DENND1B: variants seen among roughly 807,000 people sequenced by gnomAD.
The protein encoded by DENND1B is DENN domain containing 1B.
In DENND1B, 59 loss-of-function variants were observed where a neutral mutation model predicts 90.1. The observed-to-expected ratio is 0.65, with a 90% CI of 0.53 to 0.81. The LOEUF is 0.81. Ranked by LOEUF, DENND1B falls within the 40% of genes least tolerant of loss-of-function variation. The pLI, the probability that DENND1B is intolerant of heterozygous loss-of-function variation, is 0.00. For missense variants in DENND1B, 862 were observed against 912.6 expected (o/e 0.94, Z 0.71); for synonymous variants, 337 against 324.6 (o/e 1.04, Z -0.41).
rs763028413 is a variant in DENND1B, at chr1:197,511,886, CAG to C, written c.1655_1656del (p.Ser552CysfsTer2). The C allele has an allele frequency of 8.1e-6, 13 of 1,611,102 alleles. No homozygotes were observed. The highest frequency in any genetic ancestry group is 1.3e-5 in the African/African-American group (1 of 74,804). ...ASAYLYESDD[S>X]VETRVKTPYS... ...TAAGGAGTCTTCACTCTTGTTTCAACAGAGTCATCACTCTCATAGAGATAAGC... is the reference window on the plus strand; with the variant it reads ...TAAGGAGTCTTCACTCTTGTTTCAACAGTCATCACTCTCATAGAGATAAGC... On this transcript the variant is annotated frameshift_variant, in exon 22 of 23. Coordinates refer to ENST00000620048, the MANE Select transcript of DENND1B (RefSeq NM_001195215.2). LOFTEE classifies it high-confidence loss of function.
chr1:197,664,666 A>G (rs1157853218), intron 5 of DENND1B, among the ~76,000 whole-genome samples: 3 of 152,168 alleles, frequency 2.0e-5, no homozygotes, highest in Non-Finnish European at 4.4e-5. Context: ...AGCAATCAGC[A>G]GGAACCTAAC....
At chr1:197,721,696 T>A (rs183337402) in intron 2 of DENND1B, among the ~76,000 whole-genome samples, 7 of 152,162 alleles carry the variant, frequency 4.6e-5, no homozygotes, top group Admixed American at 3.9e-4. Context: ...CTTTATTACA[T>A]ATAGACTTGA....
intron 10 of DENND1B, among the ~76,000 whole-genome samples, chr1:197,634,983 C>T (rs1044574821): frequency 6.6e-6 from 1 of 151,390 alleles, no homozygotes; most frequent in African/African-American, 2.4e-5. Flanking sequence ...GACAAGAGTG[C>T]AACTCTGCGT....
intron 3 of DENND1B, among the ~76,000 whole-genome samples, chr1:197,696,410 C>T (rs1390903549): frequency 6.6e-6 from 1 of 151,386 alleles, no homozygotes; most frequent in Non-Finnish European, 1.5e-5. Context: ...CATTATTTAT[C>T]ATGGAAGCAC....
chr1:197,578,190 T>C lies in DENND1B; in HGVS notation c.1149+4962A>G, dbSNP rs190089456. The stretch of plus-strand genomic sequence containing the variant: ...GTACAGTGACCACAGTTAATACTAA[T>C]GTATTGTACATTTCAAAATTGCTAA... On this transcript the variant is annotated intron_variant, in intron 15 of 22. Transcript: ENST00000620048. Among the ~76,000 whole-genome samples, 231 of 152,274 alleles carry C rather than the reference T, an allele frequency of 1.5e-3. 1 individual carries two copies. The highest frequency in any genetic ancestry group is 6.8e-3 in the Middle Eastern group (2 of 294).
intron 10 of DENND1B, among the ~76,000 whole-genome samples, chr1:197,638,108 C>A (rs144736078): frequency 6.6e-6 from 1 of 152,164 alleles, no homozygotes; most frequent in African/African-American, 2.4e-5. Flanking sequence ...CGAAAGATTT[C>A]TTTTTACATA....
intron 3 of DENND1B, among the ~76,000 whole-genome samples, chr1:197,706,514 T>C (rs1659550451): frequency 1.3e-5 from 2 of 152,184 alleles, no homozygotes; most frequent in African/African-American, 2.4e-5. Flanking sequence ...TGGGAGAATG[T>C]ATACGTAAAC....
chr1:197,637,253 G>A (rs1386450303), intron 10 of DENND1B, among the ~76,000 whole-genome samples: 3 of 151,938 alleles, frequency 2.0e-5, no homozygotes, highest in Admixed American at 6.6e-5. Flanking sequence ...AAAAAAAAAT[G>A]CTTGGTAAAC....
intron 6 of DENND1B, among the ~76,000 whole-genome samples, chr1:197,657,579 G>T (rs550551607): frequency 1.3e-5 from 2 of 152,074 alleles, no homozygotes; most frequent in African/African-American, 4.8e-5. Context: ...GAAAAGAAAA[G>T]AAAAGAGCGA....
chr1:197,602,145 T>C (rs1676269047), intron 13 of DENND1B, among the ~76,000 whole-genome samples: 1 of 151,654 alleles, frequency 6.6e-6, no homozygotes, highest in Non-Finnish European at 1.5e-5. Context: ...TTTTCATTAT[T>C]CTTATTAAAG....
intron 20 of DENND1B, among the ~76,000 whole-genome samples, chr1:197,518,824 A>G (rs1668574450): frequency 6.6e-6 from 1 of 151,918 alleles, no homozygotes; most frequent in South Asian, 2.1e-4. Context: ...AGAGATTATT[A>G]TGAACACAAG....
chr1:197,652,414 T>C (rs1053072042), intron 6 of DENND1B, 99 bp from the exon 7 acceptor site: 2 of 842,374 alleles, frequency 2.4e-6, no homozygotes, highest in African/African-American at 1.8e-5. Flanking sequence ...CTTTTCATAT[T>C]AGACATATTT....
chr1:197,692,878 T>C (rs1189155476), intron 3 of DENND1B, among the ~76,000 whole-genome samples: 1 of 151,742 alleles, frequency 6.6e-6, no homozygotes, highest in Non-Finnish European at 1.5e-5. Flanking sequence ...TCCACAGAAG[T>C]AAATTCCATA....
chr1:197,683,147 G>T (rs1036531642), intron 3 of DENND1B, among the ~76,000 whole-genome samples: 1 of 152,088 alleles, frequency 6.6e-6, no homozygotes, highest in Non-Finnish European at 1.5e-5. Context: ...ATCTTGAAAA[G>T]AATATGGGTT....
intron 3 of DENND1B, among the ~76,000 whole-genome samples, chr1:197,704,835 T>A (rs1236696757): frequency 6.6e-6 from 1 of 151,642 alleles, no homozygotes; most frequent in Non-Finnish European, 1.5e-5. Context: ...GAGACAACAT[T>A]CCAAGCAGAA....
chr1:197,741,523 A>AT (rs1404022469), intron 2 of DENND1B, among the ~76,000 whole-genome samples: 2 of 152,306 alleles, frequency 1.3e-5, no homozygotes, highest in East Asian at 3.9e-4. Context: ...TTTCTGCACA[A>AT]TCGTTTGAAC....
intron 15 of DENND1B, among the ~76,000 whole-genome samples, chr1:197,566,992 C>G (rs188025709): frequency 6.6e-6 from 1 of 151,748 alleles, no homozygotes; most frequent in Non-Finnish European, 1.5e-5. Flanking sequence ...TAAATAAAGA[C>G]AGAAATAGTG....
chr1:197,679,805 GTTGT>G (rs1656473951), intron 3 of DENND1B, among the ~76,000 whole-genome samples: 2 of 129,496 alleles, frequency 1.5e-5, no homozygotes, highest in Non-Finnish European at 3.2e-5. Context: ...GTTTCCAAGG[GTTGT>G]TTTTTTTTTT....
At chr1:197,540,707 C>T (rs1451225831) in intron 19 of DENND1B, among the ~76,000 whole-genome samples, 3 of 152,112 alleles carry the variant, frequency 2.0e-5, no homozygotes, top group South Asian at 2.1e-4. Flanking sequence ...TGAAAACATA[C>T]ATCCTGTTAA....
Sources: allele counts gnomAD v4.1 joint callset (sites outside exome capture counted in the v4.1 genomes callset), GRCh38; gene constraint gnomAD v4.1.1; transcripts MANE v1.5; gene names NCBI Gene and HGNC (gene_info 2026-07-23, HGNC 2026-07-21).